YWHAE: variants seen among roughly 807,000 people sequenced by gnomAD.
YWHAE encodes tyrosine 3-monooxygenase/tryptophan 5-monooxygenase activation protein epsilon.
Under a neutral mutation model 30.1 loss-of-function variants are expected in YWHAE, and 4 were observed. The ratio of observed to expected loss-of-function variants is 0.13; its 90% CI spans 0.07 to 0.30. The LOEUF (loss-of-function observed/expected upper bound fraction) is 0.30. YWHAE is among the 10% of genes least tolerant of loss of function. The pLI is 1.00. For synonymous variants in YWHAE, 118 were observed against 111.8 expected (o/e 1.06, Z -0.35); for missense variants, 121 against 315.9 (o/e 0.38, Z 4.68).
In YWHAE at chr17:1,381,008, T is replaced by A. The variant is rs556659635; in HGVS notation, c.65-15950A>T. Among the ~76,000 whole-genome samples the A allele has an allele frequency of 7.9e-5, 12 of 152,180 alleles. No homozygotes were observed. The East Asian group carries it at 2.3e-3, about 29-fold the overall frequency. On this transcript the variant is annotated intron_variant, in intron 1 of 5. Transcript: ENST00000264335. ...GCCTGATTAGACTGTAACTCTTCCA[T>A]AGTAGGTATTATAAGTAACGATTTT...
At chr17:1,369,452 C>T (rs1002214310) in intron 1 of YWHAE, among the ~76,000 whole-genome samples, 1 of 152,118 alleles carries the variant, frequency 6.6e-6, no homozygotes, top group East Asian at 1.9e-4. Context: ...CGAGATGGCT[C>T]CACTGCACTA....
intron 1 of YWHAE, among the ~76,000 whole-genome samples, chr17:1,389,059 G>A (rs925367006): frequency 8.6e-5 from 13 of 151,810 alleles, no homozygotes; most frequent in East Asian, 3.9e-4. Flanking sequence ...TCGACCTCCC[G>A]GGCTCAAGAA....
chr17:1,359,955 A>AG (rs1482439402), intron 4 of YWHAE, among the ~76,000 whole-genome samples: 2 of 19,172 alleles, frequency 1.0e-4, no homozygotes, highest in East Asian at 1.4e-3. Flanking sequence ...GGGGGGAGAG[A>AG]GGGGGAGAGA....
chr17:1,385,925 A>G (rs2073294255), intron 1 of YWHAE, among the ~76,000 whole-genome samples: 1 of 151,974 alleles, frequency 6.6e-6, no homozygotes, highest in African/African-American at 2.4e-5. Context: ...AAAAAGGGGG[A>G]AAAAAAGAAA....
intron 1 of YWHAE, among the ~76,000 whole-genome samples, chr17:1,382,018 T>G (rs895975864): frequency 6.6e-6 from 1 of 151,454 alleles, no homozygotes; most frequent in Non-Finnish European, 1.5e-5. Flanking sequence ...CTCAAACCAC[T>G]GACAAGTTAC....
chr17:1,377,628 T>G (rs570151042), intron 1 of YWHAE, among the ~76,000 whole-genome samples: 42 of 151,060 alleles, frequency 2.8e-4, no homozygotes, highest in Admixed American at 5.3e-4. Context: ...AAAGAAAGAG[T>G]TCAGTCACTT....
chr17:1,365,853 AC>A (rs2072933865), intron 1 of YWHAE, among the ~76,000 whole-genome samples: 1 of 152,116 alleles, frequency 6.6e-6, no homozygotes, highest in Non-Finnish European at 1.5e-5. Context: ...AGTGGCTCAT[AC>A]CCCTAGCACT....
intron 1 of YWHAE, among the ~76,000 whole-genome samples, chr17:1,376,110 T>C (rs1471706527): frequency 1.3e-5 from 2 of 152,222 alleles, no homozygotes; most frequent in Admixed American, 1.3e-4. Context: ...GGACTACAAC[T>C]CAGGGAATCT....
intron 3 of YWHAE, 60 bp downstream of exon 3, chr17:1,361,842 T>A (rs1412678130): frequency 8.8e-7 from 1 of 1,137,448 alleles, no homozygotes; most frequent in African/African-American, 1.6e-5. Context: ...TAGAACAAAG[T>A]TATGGTTCTA....
At chr17:1,346,140 C>G (rs950872706) in intron 5 of YWHAE, among the ~76,000 whole-genome samples, 6 of 152,178 alleles carry the variant, frequency 3.9e-5, no homozygotes, top group African/African-American at 1.4e-4. Flanking sequence ...CCACTTCACT[C>G]ATGCTATTTG....
chr17:1,365,627 G>C (rs1466512048), intron 1 of YWHAE, among the ~76,000 whole-genome samples: 1 of 152,136 alleles, frequency 6.6e-6, no homozygotes, highest in African/African-American at 2.4e-5. Context: ...AGCAAAGAAA[G>C]GGGCCCAGAA....
intron 1 of YWHAE, among the ~76,000 whole-genome samples, chr17:1,385,392 T>C (rs1317723127): frequency 6.6e-6 from 1 of 152,116 alleles, no homozygotes; most frequent in Non-Finnish European, 1.5e-5. Flanking sequence ...TCAAAAGTCA[T>C]CTACTGAAAA....
intron 1 of YWHAE, among the ~76,000 whole-genome samples, chr17:1,372,303 A>G (rs1356466255): frequency 6.6e-6 from 1 of 152,240 alleles, no homozygotes; most frequent in Non-Finnish European, 1.5e-5. Context: ...GCTTAAGGGA[A>G]TAGTATGGCA....
At chr17:1,378,095 T>C (rs2073151306) in intron 1 of YWHAE, among the ~76,000 whole-genome samples, 1 of 152,226 alleles carries the variant, frequency 6.6e-6, no homozygotes, top group Non-Finnish European at 1.5e-5. Context: ...GGGGATAGTA[T>C]GCAAGTTTGT....
intron 1 of YWHAE, among the ~76,000 whole-genome samples, chr17:1,367,598 T>C (rs1332968023): frequency 6.6e-6 from 1 of 152,174 alleles, no homozygotes; most frequent in Admixed American, 6.6e-5. Flanking sequence ...ACAATTACTT[T>C]GTATAATCCT....
intron 5 of YWHAE, among the ~76,000 whole-genome samples, chr17:1,348,588 AAGT>A (rs1296454403): frequency 2.0e-5 from 3 of 152,180 alleles, no homozygotes; most frequent in Non-Finnish European, 4.4e-5. Flanking sequence ...CAAGTCACAA[AAGT>A]AGTATTTTAT....
chr17:1,385,135 ACT>A (rs1221513375), intron 1 of YWHAE, among the ~76,000 whole-genome samples: 10 of 116,092 alleles, frequency 8.6e-5, no homozygotes, highest in Admixed American at 2.2e-4. Context: ...ACAGGGAAAG[ACT>A]CTGTCTCAAA....
intron 1 of YWHAE, among the ~76,000 whole-genome samples, chr17:1,374,823 C>A (rs1198369113): frequency 1.3e-5 from 2 of 152,142 alleles, no homozygotes; most frequent in Admixed American, 1.3e-4. Context: ...TAAAACCCCA[C>A]TGACTCCTCT....
intron 4 of YWHAE, among the ~76,000 whole-genome samples, chr17:1,357,682 T>C (rs2072776691): frequency 1.3e-5 from 2 of 151,998 alleles, no homozygotes; most frequent in Admixed American, 1.3e-4. Context: ...TCTCGGCACT[T>C]TGGGAGGCCG....
Sources: gnomAD v4.1 joint callset for allele counts (sites outside exome capture counted in the v4.1 genomes callset) on GRCh38, gnomAD v4.1.1 for gene constraint, MANE v1.5 for transcripts, NCBI Gene and HGNC (gene_info 2026-07-23, HGNC 2026-07-21) for gene names.